The following SOX5 variants were observed in gnomAD, a reference collection of about 807,000 sequenced individuals.
SOX5 encodes transcription factor SOX-5.
Under a neutral mutation model 92.0 loss-of-function variants are expected in SOX5, and 9 were observed. That is an observed-to-expected ratio of 0.10 (90% CI 0.06 to 0.17). The LOEUF is 0.17. Among genes scored for constraint, SOX5 ranks in the 10% least tolerant of loss-of-function variants. The probability of loss-of-function intolerance (pLI) is 1.00; values close to 1 mark genes in which losing one functional copy is unlikely to be tolerated. For missense variants in SOX5, 642 were observed against 944.5 expected (o/e 0.68, Z 4.20); for synonymous variants, 344 against 336.3 (o/e 1.02, Z -0.25).
Position 24,286,408 on chromosome 12 carries a change from A to G in SOX5, c.-173-9096T>C, listed in dbSNP as rs114443444. On this transcript the variant is annotated intron_variant, in intron 2 of 4. Transcript: ENST00000446891. Reference sequence around the variant, plus strand: ...GGAGGAGAAGATACATTCAGTTTGAAAAAGATCAAATTCAAGAGCTTGGGA... The same window carrying G: ...GGAGGAGAAGATACATTCAGTTTGAGAAAGATCAAATTCAAGAGCTTGGGA... 8.7e-3 allele frequency among the ~76,000 whole-genome samples: 1,329 copies of G among 152,344 alleles called. 25 individuals carry two copies. Among genetic ancestry groups the G allele is most frequent in the African/African-American group, 0.03 (1,255 of 41,574 alleles).
At chr12:24,229,640 T>C (rs952399406) in intron 3 of SOX5, among the ~76,000 whole-genome samples, 1 of 152,148 alleles carries the variant, frequency 6.6e-6, no homozygotes, top group Non-Finnish European at 1.5e-5. Flanking sequence ...TTGACACCCT[T>C]GGAACAAAAG....
chr12:24,443,945 T>A (rs920312789), intron 1 of SOX5, among the ~76,000 whole-genome samples: 3 of 152,214 alleles, frequency 2.0e-5, no homozygotes, highest in African/African-American at 7.2e-5. Flanking sequence ...CCACTAAATG[T>A]TAACATGCCA....
At chr12:23,580,902 A>T (rs1193312781) in intron 9 of SOX5, among the ~76,000 whole-genome samples, 1 of 152,072 alleles carries the variant, frequency 6.6e-6, no homozygotes, top group Non-Finnish European at 1.5e-5. Context: ...CCTTAGACGC[A>T]CTGAGGGAAT....
intron 8 of SOX5, 120 bp from the exon 9 acceptor site, chr12:23,604,653 A>C (rs1178635638): frequency 1.1e-6 from 1 of 889,486 alleles, no homozygotes; most frequent in Non-Finnish European, 1.7e-6. Context: ...TGTTTAGTGC[A>C]CTGGAATATT....
chr12:24,514,920 G>A (rs1044966129), intron 1 of SOX5, among the ~76,000 whole-genome samples: 1 of 152,068 alleles, frequency 6.6e-6, no homozygotes, highest in Non-Finnish European at 1.5e-5. Context: ...AGGAGGGAGA[G>A]GATCAGGAAA....
chr12:23,734,830 A>G (rs554100365), intron 5 of SOX5, 78 bp from the exon 6 acceptor site: 1 of 1,172,688 alleles, frequency 8.5e-7, no homozygotes, highest in Non-Finnish European at 1.3e-6. Flanking sequence ...CTGTTTCTCA[A>G]AGTTTGATTT....
chr12:23,731,620 TTA>T (rs1390966629), intron 6 of SOX5, among the ~76,000 whole-genome samples: 1 of 152,170 alleles, frequency 6.6e-6, no homozygotes, highest in African/African-American at 2.4e-5. Flanking sequence ...TAGGAAAATA[TTA>T]TCTTTCCTGT....
intron 4 of SOX5, among the ~76,000 whole-genome samples, chr12:24,080,945 C>T (rs1413165471): frequency 6.6e-6 from 1 of 151,882 alleles, no homozygotes; most frequent in Non-Finnish European, 1.5e-5. Context: ...ACTTTAAGGA[C>T]AAATTCCATG....
intron 3 of SOX5, among the ~76,000 whole-genome samples, chr12:23,798,379 A>C (rs2095602329): frequency 6.6e-6 from 1 of 152,020 alleles, no homozygotes; most frequent in African/African-American, 2.4e-5. Context: ...CTGCAAATTA[A>C]GGGCACATAC....
At chr12:24,173,217 AACTG>A (rs1366378103) in intron 4 of SOX5, among the ~76,000 whole-genome samples, 1 of 152,226 alleles carries the variant, frequency 6.6e-6, no homozygotes, top group Non-Finnish European at 1.5e-5. Context: ...AAACTCTGTC[AACTG>A]ACAGCCTAAT....
chr12:24,090,455 T>C (rs967623470), intron 4 of SOX5, among the ~76,000 whole-genome samples: 1 of 152,060 alleles, frequency 6.6e-6, no homozygotes, highest in African/African-American at 2.4e-5. Flanking sequence ...CAAAGAGACA[T>C]ATGTAATGCC....
At chr12:23,836,824 G>T (rs994441659) in intron 3 of SOX5, among the ~76,000 whole-genome samples, 2 of 151,950 alleles carry the variant, frequency 1.3e-5, no homozygotes, top group South Asian at 2.1e-4. Flanking sequence ...GGGAAGAAAA[G>T]ATTTTTCTGT....
At chr12:24,239,971 C>T (rs1965256785) in intron 3 of SOX5, among the ~76,000 whole-genome samples, 1 of 152,094 alleles carries the variant, frequency 6.6e-6, no homozygotes, top group Admixed American at 6.6e-5. Context: ...GCTCCAGATA[C>T]AAGGCTTTAT....
intron 4 of SOX5, among the ~76,000 whole-genome samples, chr12:24,014,932 G>C (rs2136587862): frequency 6.6e-6 from 1 of 152,152 alleles, no homozygotes; most frequent in South Asian, 2.1e-4. Flanking sequence ...GTGTGGCAAG[G>C]TCATGACCTT....
At chr12:24,287,095 T>C (rs970533271) in intron 2 of SOX5, among the ~76,000 whole-genome samples, 8 of 152,178 alleles carry the variant, frequency 5.3e-5, no homozygotes, top group African/African-American at 1.9e-4. Context: ...TTCAGGTGGA[T>C]ATGTTCACTT....
chr12:23,599,851 G>T (rs965996263), intron 9 of SOX5, among the ~76,000 whole-genome samples: 3 of 152,038 alleles, frequency 2.0e-5, no homozygotes, highest in Non-Finnish European at 4.4e-5. Flanking sequence ...AAATTTAAAA[G>T]AAATAATTTA....
intron 3 of SOX5, among the ~76,000 whole-genome samples, chr12:24,240,184 C>T (rs1250705322): frequency 6.6e-6 from 1 of 152,050 alleles, no homozygotes; most frequent in African/African-American, 2.4e-5. Flanking sequence ...TAAGATATAG[C>T]CAAATCATAT....
chr12:23,822,754 G>A (rs1050318513), intron 3 of SOX5, among the ~76,000 whole-genome samples: 1 of 152,032 alleles, frequency 6.6e-6, no homozygotes, highest in African/African-American at 2.4e-5. Flanking sequence ...TTATCGTGTT[G>A]GAGTCTAAGT....
chr12:23,943,529 C>T (rs892392415), intron 1 of SOX5, among the ~76,000 whole-genome samples: 1 of 152,052 alleles, frequency 6.6e-6, no homozygotes, highest in Admixed American at 6.6e-5. Context: ...GCTGCTGTAC[C>T]ACCTTCACTA....
Sources: allele counts gnomAD v4.1 joint callset (sites outside exome capture counted in the v4.1 genomes callset), GRCh38; gene constraint gnomAD v4.1.1; transcripts MANE v1.5; gene names NCBI Gene and HGNC (gene_info 2026-07-23, HGNC 2026-07-21).